The following RBFOX1 variants were observed in gnomAD, a reference collection of about 807,000 sequenced individuals.
The protein encoded by RBFOX1 is RNA binding fox-1 homolog 1.
A neutral mutation model predicts 57.7 loss-of-function variants in RBFOX1; 8 were observed. The observed-to-expected ratio is 0.14, with a 90% CI of 0.08 to 0.25. The LOEUF (loss-of-function observed/expected upper bound fraction) is 0.25. Among genes scored for constraint, RBFOX1 ranks in the 10% least tolerant of loss-of-function variants. The pLI is 1.00. For synonymous variants in RBFOX1, 326 were observed against 222.4 expected (o/e 1.47, Z -4.15); for missense variants, 611 against 548.5 (o/e 1.11, Z -1.14).
At chr16:7,521,097 C>G (rs944901450) in intron 5 of RBFOX1, among the ~76,000 whole-genome samples, 1 of 19,584 alleles carries the variant, frequency 5.1e-5, no homozygotes. Context: ...TACCTGCAAA[C>G]GTGTAGTCTG....
At chr16:6,906,526 C>T (rs1158528480) in intron 3 of RBFOX1, among the ~76,000 whole-genome samples, 1 of 152,054 alleles carries the variant, frequency 6.6e-6, no homozygotes, top group Non-Finnish European at 1.5e-5. Context: ...GCAATCTAAT[C>T]TCTAGAAACT....
intron 4 of RBFOX1, among the ~76,000 whole-genome samples, chr16:5,879,332 T>G (rs554968225): frequency 6.6e-6 from 1 of 152,342 alleles, no homozygotes; most frequent in South Asian, 2.1e-4. Context: ...GACTAGGTTC[T>G]TTCCAGATCT....
At chr16:6,528,263 C>A (rs922343365) in intron 2 of RBFOX1, among the ~76,000 whole-genome samples, 1 of 152,212 alleles carries the variant, frequency 6.6e-6, no homozygotes, top group African/African-American at 2.4e-5. Context: ...CATATGTGTG[C>A]ATGCCCTTCA....
At chr16:6,548,407 T>C (rs1309038661) in intron 2 of RBFOX1, among the ~76,000 whole-genome samples, 3 of 152,070 alleles carry the variant, frequency 2.0e-5, no homozygotes, top group African/African-American at 7.2e-5. Context: ...TCTTTGGGCT[T>C]TTTAGGTTTT....
intron 1 of RBFOX1, among the ~76,000 whole-genome samples, chr16:6,045,252 C>T (rs962822325): frequency 6.6e-6 from 1 of 152,196 alleles, no homozygotes. Context: ...CTGTGGAACA[C>T]ACATTGAGTA....
intron 3 of RBFOX1, among the ~76,000 whole-genome samples, chr16:6,954,316 C>T (rs897095998): frequency 3.3e-5 from 5 of 152,118 alleles, no homozygotes; most frequent in African/African-American, 7.2e-5. Flanking sequence ...TTATTTATGG[C>T]GTTTTAAGGT....
intron 4 of RBFOX1, among the ~76,000 whole-genome samples, chr16:7,353,087 AC>A (rs1486158415): frequency 1.3e-5 from 2 of 152,124 alleles, no homozygotes; most frequent in Non-Finnish European, 2.9e-5. Context: ...CTAAAGCCAT[AC>A]CTTTGACCAG....
chr16:7,240,208 C>A (rs28753673), intron 4 of RBFOX1, among the ~76,000 whole-genome samples: 1 of 152,128 alleles, frequency 6.6e-6, no homozygotes, highest in African/African-American at 2.4e-5. Context: ...CTCAGGTGAT[C>A]CTCCCGCCTC....
intron 2 of RBFOX1, among the ~76,000 whole-genome samples, chr16:5,488,729 G>A (rs929512398): frequency 4.0e-5 from 6 of 150,886 alleles, no homozygotes; most frequent in Admixed American, 4.0e-4. Flanking sequence ...GGGGTGCGAT[G>A]GTGATGATAA....
intron 4 of RBFOX1, among the ~76,000 whole-genome samples, chr16:7,120,824 T>TACACACAC (rs1491323072): frequency 1.1e-3 from 5 of 4,528 alleles, no homozygotes; most frequent in Non-Finnish European, 1.9e-3. Flanking sequence ...TTTATATATG[T>TACACACAC]ATATATACAC....
At chr16:5,512,284 C>T (rs1296220815) in intron 2 of RBFOX1, among the ~76,000 whole-genome samples, 2 of 152,136 alleles carry the variant, frequency 1.3e-5, no homozygotes, top group African/African-American at 2.4e-5. Context: ...TGGAGGTGGC[C>T]AATTTCATCA....
intron 3 of RBFOX1, among the ~76,000 whole-genome samples, chr16:6,724,945 G>A (rs776939786): frequency 7.2e-5 from 11 of 151,996 alleles, no homozygotes; most frequent in Non-Finnish European, 1.6e-4. Context: ...GGCAGTAGTG[G>A]GAGTGTCTTT....
chr16:5,611,620 A>G (rs1470141138), intron 3 of RBFOX1, among the ~76,000 whole-genome samples: 1 of 152,036 alleles, frequency 6.6e-6, no homozygotes, highest in East Asian at 1.9e-4. Flanking sequence ...TGATTCACCT[A>G]TCCATCTGTT....
At position 6,535,301 on chromosome 16, in the gene RBFOX1, C is replaced by G. The variant is rs143624240; in HGVS notation, c.-63-119302C>G. ...CTGATGGAGAAATTGAGGGATCACA[C>G]TGGAAAAAGTGAACCCAGAGATTTA... On this transcript the variant is annotated intron_variant, in intron 2 of 15. Coordinates refer to ENST00000550418, the MANE Select transcript of RBFOX1 (RefSeq NM_018723.4). 2.6e-5 allele frequency among the ~76,000 whole-genome samples: 4 copies of G among 152,310 alleles called. No individual in the cohort carries two copies. The East Asian group carries it at 7.7e-4, about 29-fold the overall frequency.
intron 3 of RBFOX1, among the ~76,000 whole-genome samples, chr16:6,967,766 C>A (rs1289226439): frequency 6.6e-6 from 1 of 151,950 alleles, no homozygotes; most frequent in Non-Finnish European, 1.5e-5. Flanking sequence ...GCTGTGGGAC[C>A]CTGGGGAATG....
chr16:5,344,143 C>G (rs938605187), intron 1 of RBFOX1, among the ~76,000 whole-genome samples: 10 of 152,176 alleles, frequency 6.6e-5, no homozygotes, highest in Admixed American at 3.3e-4. Flanking sequence ...AGAACTGAGT[C>G]TTTACCTTTG....
At chr16:7,216,376 C>T (rs12932841) in intron 4 of RBFOX1, among the ~76,000 whole-genome samples, 129 of 152,148 alleles carry the variant, frequency 8.5e-4, no homozygotes, top group African/African-American at 3.0e-3. Context: ...TACCCTAGAC[C>T]GGGCGCAGTG....
chr16:5,339,470 G>GTTTTTTTTGTTTTTTTTTTT (rs2064982986), intron 1 of RBFOX1, among the ~76,000 whole-genome samples: 1 of 40,854 alleles, frequency 2.4e-5, no homozygotes, highest in African/African-American at 8.2e-5. Flanking sequence ...CTTTTTCCGT[G>GTTTTTTTTGTTTTTTTTTTT]TTTTTTTTTT....
At chr16:5,581,922 A>G (rs2046681111) in intron 2 of RBFOX1, among the ~76,000 whole-genome samples, 1 of 152,244 alleles carries the variant, frequency 6.6e-6, no homozygotes, top group African/African-American at 2.4e-5. Flanking sequence ...GCTGTAATGT[A>G]GATGAGTAAG....
Sources: gnomAD v4.1 joint callset for allele counts (sites outside exome capture counted in the v4.1 genomes callset) on GRCh38, gnomAD v4.1.1 for gene constraint, MANE v1.5 for transcripts, NCBI Gene and HGNC (gene_info 2026-07-23, HGNC 2026-07-21) for gene names.